The following DNM3 variants were observed in gnomAD, a reference collection of about 807,000 sequenced individuals.
DNM3 encodes the protein dynamin-3.
A neutral mutation model predicts 101.6 loss-of-function variants in DNM3; 47 were observed. The observed-to-expected ratio is 0.46, with a 90% CI of 0.37 to 0.59. DNM3 has a LOEUF of 0.59. DNM3 is among the 20% of genes least tolerant of loss of function. The pLI is 0.00. For synonymous variants in DNM3, 385 were observed against 387.9 expected (o/e 0.99, Z 0.09); for missense variants, 849 against 1,085.7 (o/e 0.78, Z 3.06).
At chr1:171,923,780 C>A (rs933649529) in intron 2 of DNM3, among the ~76,000 whole-genome samples, 1 of 151,930 alleles carries the variant, frequency 6.6e-6, no homozygotes. Context: ...AAACTATCAC[C>A]CAAATAGTAA....
chr1:171,924,095 G>A (rs570060280), intron 2 of DNM3, among the ~76,000 whole-genome samples: 1 of 152,120 alleles, frequency 6.6e-6, no homozygotes, highest in African/African-American at 2.4e-5. Context: ...GTGGGCTTAG[G>A]TTGATTCCAT....
chr1:172,115,154 T>C (rs1230928532), intron 13 of DNM3, among the ~76,000 whole-genome samples: 2 of 152,204 alleles, frequency 1.3e-5, no homozygotes, highest in Non-Finnish European at 2.9e-5. Flanking sequence ...GCAGGTTGTA[T>C]ATTTGGTGCT....
intron 15 of DNM3, among the ~76,000 whole-genome samples, chr1:172,282,486 A>G (rs936131003): frequency 6.6e-6 from 1 of 152,124 alleles, no homozygotes; most frequent in Non-Finnish European, 1.5e-5. Context: ...CAGGGTTTGA[A>G]TTTCTCTATC....
chr1:171,984,386 TC>T (rs1297425528), intron 2 of DNM3, among the ~76,000 whole-genome samples: 1 of 152,132 alleles, frequency 6.6e-6, no homozygotes, highest in Non-Finnish European at 1.5e-5. Flanking sequence ...TGGCCTTGTT[TC>T]CCACCTCCCT....
At chr1:172,316,560 GA>G (rs1411134790) in intron 16 of DNM3, among the ~76,000 whole-genome samples, 6 of 151,452 alleles carry the variant, frequency 4.0e-5, no homozygotes, top group African/African-American at 1.5e-4. Context: ...CAAGCAAATG[GA>G]AAACAAAAAA....
chr1:172,236,708 A>T (rs967093013), intron 14 of DNM3, among the ~76,000 whole-genome samples: 2 of 152,104 alleles, frequency 1.3e-5, no homozygotes, highest in Non-Finnish European at 2.9e-5. Context: ...ATGAAACTCA[A>T]TATTTACATT....
intron 11 of DNM3, among the ~76,000 whole-genome samples, chr1:172,075,159 AT>A (rs397953576): frequency 3.4e-5 from 5 of 147,200 alleles, no homozygotes; most frequent in African/African-American, 7.4e-5. Flanking sequence ...CCACTTTTTG[AT>A]TTTTTTTTTC....
chr1:172,123,523 T>C (rs1281181098), intron 13 of DNM3, among the ~76,000 whole-genome samples: 2 of 152,164 alleles, frequency 1.3e-5, no homozygotes, highest in Non-Finnish European at 2.9e-5. Context: ...GAGAGACTTT[T>C]GAACACTTTC....
intron 14 of DNM3, among the ~76,000 whole-genome samples, chr1:172,166,002 C>G (rs969222471): frequency 6.6e-6 from 1 of 151,872 alleles, no homozygotes; most frequent in Non-Finnish European, 1.5e-5. Flanking sequence ...TTCTTGTTTC[C>G]CCCTGGCCAG....
At chr1:172,067,131 C>T (rs1572355905) in intron 10 of DNM3, among the ~76,000 whole-genome samples, 1 of 152,112 alleles carries the variant, frequency 6.6e-6, no homozygotes, top group Non-Finnish European at 1.5e-5. Context: ...TAGCAATTTG[C>T]CAATATAATA....
At chr1:172,149,039 A>G (rs1197583049) in intron 14 of DNM3, among the ~76,000 whole-genome samples, 2 of 152,220 alleles carry the variant, frequency 1.3e-5, no homozygotes, top group East Asian at 3.9e-4. Flanking sequence ...GTTAAATCAG[A>G]AAGCTATAAA....
chr1:171,859,303 C>T (rs1401464088), intron 1 of DNM3, among the ~76,000 whole-genome samples: 2 of 152,148 alleles, frequency 1.3e-5, no homozygotes, highest in East Asian at 3.9e-4. Context: ...TTCCTCATGT[C>T]TCCTAGGTTT....
chr1:172,248,897 CATGCTAGGCATT>C (rs2062059575), intron 14 of DNM3, among the ~76,000 whole-genome samples: 2 of 152,080 alleles, frequency 1.3e-5, no homozygotes, highest in Non-Finnish European at 2.9e-5. Flanking sequence ...TGCCTAGCAT[CATGCTAGGCATT>C]ATATAGAAAC....
intron 13 of DNM3, among the ~76,000 whole-genome samples, chr1:172,129,127 T>G (rs1558614343): frequency 6.6e-6 from 1 of 152,206 alleles, no homozygotes; most frequent in Non-Finnish European, 1.5e-5. Context: ...TTGAGTGGTA[T>G]GATTAGCATG....
At chr1:172,267,925 G>T (rs1008234618) in intron 15 of DNM3, among the ~76,000 whole-genome samples, 18 of 152,214 alleles carry the variant, frequency 1.2e-4, no homozygotes, top group African/African-American at 4.3e-4. Flanking sequence ...CGTTAGCCAG[G>T]ATGGTCTCGA....
intron 15 of DNM3, among the ~76,000 whole-genome samples, chr1:172,293,814 GA>G (rs988410911): frequency 2.0e-5 from 3 of 151,078 alleles, no homozygotes; most frequent in African/African-American, 2.4e-5. Context: ...CCTTTAAGAG[GA>G]AAAAAAAATT....
chr1:172,033,496 A>G (rs1481386933), intron 6 of DNM3, among the ~76,000 whole-genome samples: 1 of 152,174 alleles, frequency 6.6e-6, no homozygotes, highest in African/African-American at 2.4e-5. Context: ...GCAGAAACAC[A>G]TACCTATTTA....
intron 17 of DNM3, among the ~76,000 whole-genome samples, chr1:172,340,920 A>G (rs140405806): frequency 6.6e-6 from 1 of 152,154 alleles, no homozygotes; most frequent in Non-Finnish European, 1.5e-5. Flanking sequence ...TCCATTCAGT[A>G]TGTTGTTGAC....
intron 1 of DNM3, among the ~76,000 whole-genome samples, chr1:171,871,542 G>A (rs1298324415): frequency 6.6e-6 from 1 of 152,132 alleles, no homozygotes; most frequent in African/African-American, 2.4e-5. Context: ...AAGAACTGTA[G>A]GATGTTTAAC....
Sources: gnomAD v4.1 joint callset for allele counts (sites outside exome capture counted in the v4.1 genomes callset) on GRCh38, gnomAD v4.1.1 for gene constraint, MANE v1.5 for transcripts, NCBI Gene and HGNC (gene_info 2026-07-23, HGNC 2026-07-21) for gene names.